Variants in HS6ST2 observed in about 807,000 individuals in gnomAD.
HS6ST2 encodes the protein heparan-sulfate 6-O-sulfotransferase 2.
Under a neutral mutation model 33.0 loss-of-function variants are expected in HS6ST2, and 17 were observed. That is an observed-to-expected ratio of 0.52 (90% confidence interval 0.35 to 0.77). The LOEUF is 0.77. HS6ST2 is among the 30% of genes least tolerant of loss of function. The pLI, the probability that HS6ST2 is intolerant of heterozygous loss-of-function variation, is 0.01. For synonymous variants in HS6ST2, 248 were observed against 237.1 expected (o/e 1.05, Z -0.42); for missense variants, 519 against 551.7 (o/e 0.94, Z 0.59).
intron 2 of HS6ST2, among the ~76,000 whole-genome samples, chrX:132,769,509 A>G (rs1267337533): frequency 3.6e-5 from 4 of 112,140 alleles, no homozygotes; most frequent in Non-Finnish European, 7.5e-5. Flanking sequence ...ATTGCATTTC[A>G]TAGACATCCT....
intron 2 of HS6ST2, among the ~76,000 whole-genome samples, chrX:132,908,033 C>G (rs2066491350): frequency 8.9e-6 from 1 of 111,966 alleles, no homozygotes; most frequent in Non-Finnish European, 1.9e-5. Flanking sequence ...AGACTTGTAC[C>G]TAGACTATAT....
intron 2 of HS6ST2, among the ~76,000 whole-genome samples, chrX:132,713,510 C>A (rs2064249624): frequency 9.0e-6 from 1 of 110,975 alleles, no homozygotes; most frequent in African/African-American, 3.3e-5. Flanking sequence ...CGGAAAGTAA[C>A]CACATCACTG....
chrX:132,886,872 C>A (rs7059199), intron 2 of HS6ST2, among the ~76,000 whole-genome samples: 14,734 of 110,917 alleles, frequency 0.13, 864 homozygotes, highest in East Asian at 0.33. Context: ...TGGTGGCTCA[C>A]GCCTGTAATC....
rs1205794953 is a variant in HS6ST2 at position 132,863,546 on chromosome X, A to T, written c.947+93262T>A. 2.8e-5 allele frequency among the ~76,000 whole-genome samples: 3 copies of T among 106,750 alleles called. No individual in the cohort carries two copies. The East Asian group carries it at 8.9e-4, about 32-fold the overall frequency. 92.7% of individuals were successfully genotyped at this position (106,750 alleles called of 115,157 possible). A position where few individuals can be genotyped will look rare whatever the true frequency, so the allele number is the denominator to read the frequency against. Reference sequence around the variant, plus strand: ...ACTGTGTTGCCCAGGCTGGTCTCAAACTCCTTGCCTCAAGTGATCCTCCTG... The same window carrying T: ...ACTGTGTTGCCCAGGCTGGTCTCAATCTCCTTGCCTCAAGTGATCCTCCTG... On this transcript the variant is annotated intron_variant, in intron 2 of 4. Coordinates refer to ENST00000370833, the MANE Select transcript of HS6ST2 (RefSeq NM_001394073.1).
intron 2 of HS6ST2, among the ~76,000 whole-genome samples, chrX:132,851,997 C>T (rs1181358657): frequency 1.8e-5 from 2 of 111,065 alleles, no homozygotes; most frequent in Non-Finnish European, 3.8e-5. Context: ...TAAAACTTAG[C>T]TGGGTGTGGT....
At chrX:132,694,754 G>A (rs781683374) in intron 3 of HS6ST2, among the ~76,000 whole-genome samples, 1 of 111,374 alleles carries the variant, frequency 9.0e-6, no homozygotes, top group South Asian at 3.8e-4. Flanking sequence ...TGATGGTGGC[G>A]AGAGGCGGTC....
At chrX:132,940,632 A>G (rs1416481572) in intron 2 of HS6ST2, among the ~76,000 whole-genome samples, 1 of 112,278 alleles carries the variant, frequency 8.9e-6, no homozygotes, top group Non-Finnish European at 1.9e-5. Context: ...CTGTATAGAT[A>G]TTTCTCCAGA....
At chrX:132,959,798 A>C (rs2148512462), upstream of HS6ST2, among the ~76,000 whole-genome samples, 1 of 112,103 alleles carries the variant, frequency 8.9e-6, no homozygotes, top group East Asian at 2.8e-4. Context: ...TGAAATGTAG[A>C]AACCTTTAGG....
intron 2 of HS6ST2, among the ~76,000 whole-genome samples, chrX:132,953,346 C>T (rs976769169): frequency 1.9e-5 from 2 of 107,189 alleles, no homozygotes; most frequent in Non-Finnish European, 3.8e-5. Flanking sequence ...ACAACTTGAG[C>T]CTTTCACCAG....
At chrX:132,825,038 T>G (rs2148381317) in intron 2 of HS6ST2, among the ~76,000 whole-genome samples, 1 of 112,294 alleles carries the variant, frequency 8.9e-6, no homozygotes, top group African/African-American at 3.2e-5. Context: ...TGTTGCTTTC[T>G]ATGGAGAAGG....
chrX:132,784,844 G>A (rs1330608387), intron 2 of HS6ST2, among the ~76,000 whole-genome samples: 1 of 111,800 alleles, frequency 8.9e-6, no homozygotes, highest in Admixed American at 9.5e-5. Context: ...GAAATGACCA[G>A]ATGGTATTTG....
At chrX:132,907,385 T>C (rs924537104) in intron 2 of HS6ST2, 3 of 142,297 alleles carry the variant, frequency 2.1e-5, no homozygotes, top group African/African-American at 3.2e-5. Context: ...CATTCTTCCC[T>C]AGCTACTGAA....
chrX:132,897,783 G>A (rs5977778), intron 2 of HS6ST2, among the ~76,000 whole-genome samples: 12,764 of 111,038 alleles, frequency 0.11, 1,754 homozygotes, highest in African/African-American at 0.39. Context: ...TAACATATGT[G>A]TTTCAATTCT....
chrX:132,930,325 CTAATTTTGTATTT>C (rs1434136583), intron 2 of HS6ST2, among the ~76,000 whole-genome samples: 1 of 110,713 alleles, frequency 9.0e-6, no homozygotes, highest in East Asian at 2.8e-4. Context: ...CCAAGCCTGG[CTAATTTTGTATTT>C]TAATTTTGTA....
chrX:132,637,853 A>ATTATATATAATATATTATATATAATAT lies in HS6ST2; in HGVS notation c.1068-8761_1068-8760insATATTATATATAATATATTATATATAA, dbSNP rs1274752879. Reference sequence around the variant, plus strand: ...TTATATATAATATTTTATATATAATATATATATAATATATTATATATAATA... The same window carrying ATTATATATAATATATTATATATAATAT: ...TTATATATAATATTTTATATATAATATTATATATAATATATTATATATAATATTATATATAATATATTATATATAATA... On this transcript the variant is annotated intron_variant, in intron 4 of 4. Transcript: ENST00000370833. Among the ~76,000 whole-genome samples, 56 of 29,360 alleles carry ATTATATATAATATATTATATATAATAT rather than the reference A, an allele frequency of 1.9e-3. No homozygotes were observed. The African/African-American group carries it at 0.028, about 15-fold the overall frequency. The allele number at this position is 29,360 out of a possible 115,157, so 25.5% of individuals were successfully genotyped here. A position where few individuals can be genotyped will look rare whatever the true frequency, so the allele number is the denominator to read the frequency against.
At chrX:132,777,732 C>T (rs1008123314) in intron 2 of HS6ST2, among the ~76,000 whole-genome samples, 2 of 110,408 alleles carry the variant, frequency 1.8e-5, no homozygotes, top group African/African-American at 6.6e-5. Context: ...CAGGCCTGAG[C>T]CACCACACCC....
At chrX:132,886,176 C>T (rs1253598421) in intron 2 of HS6ST2, among the ~76,000 whole-genome samples, 4 of 111,598 alleles carry the variant, frequency 3.6e-5, no homozygotes, top group South Asian at 3.7e-4. Context: ...AAGGAACCCA[C>T]GTTTAAAGAG....
intron 2 of HS6ST2, among the ~76,000 whole-genome samples, chrX:132,806,174 C>T (rs1243456819): frequency 1.8e-5 from 2 of 110,125 alleles, no homozygotes; most frequent in African/African-American, 6.5e-5. Flanking sequence ...ATTCTCTCCT[C>T]CTTGCAGAGA....
intron 2 of HS6ST2, among the ~76,000 whole-genome samples, chrX:132,805,766 C>T (rs943998344): frequency 1.1e-4 from 12 of 110,331 alleles, no homozygotes; most frequent in African/African-American, 3.9e-4. Context: ...GCCCGGATGG[C>T]TGCACGTTTT....
Sources: allele counts gnomAD v4.1 joint callset (sites outside exome capture counted in the v4.1 genomes callset), GRCh38; gene constraint gnomAD v4.1.1; transcripts MANE v1.5; gene names NCBI Gene and HGNC (gene_info 2026-07-23, HGNC 2026-07-21).